The following KCNH7 variants were observed in gnomAD, a reference collection of about 807,000 sequenced individuals.
KCNH7 encodes potassium voltage-gated channel subfamily H member 7.
In KCNH7, 49 loss-of-function variants were observed where a neutral mutation model predicts 120.8. The ratio of observed to expected loss-of-function variants is 0.41; its 90% confidence interval spans 0.32 to 0.51. The LOEUF is 0.51. Among genes scored for constraint, KCNH7 ranks in the 20% least tolerant of loss-of-function variants. The pLI is 0.38. For missense variants in KCNH7, 1,097 were observed against 1,446.6 expected, an observed-to-expected ratio of 0.76 and a Z score of 3.92; for synonymous variants, 547 against 516.1, an observed-to-expected ratio of 1.06 and a Z score of -0.81.
chr2:162,489,567 T>C (rs1187054392), intron 6 of KCNH7, among the ~76,000 whole-genome samples: 1 of 152,148 alleles, frequency 6.6e-6, no homozygotes, highest in East Asian at 1.9e-4. Context: ...AAACTCAAAG[T>C]CTCTATTTAA....
chr2:162,807,271 A>AAAC lies in KCNH7; in HGVS notation c.307+29265_307+29266insGTT, dbSNP rs1403949723. Among the ~76,000 whole-genome samples the AAAC allele has an allele frequency of 8.0e-4, 112 of 139,526 alleles. 7 individuals carry two copies. Among genetic ancestry groups the AAAC allele is most frequent in the Middle Eastern group, 7.4e-3 (2 of 270 alleles). The allele number at this position is 139,526 out of a possible 152,430, so 91.5% of individuals were successfully genotyped here. On this transcript the variant is annotated intron_variant, in intron 2 of 15. Transcript: ENST00000332142. ...ACTAAAAATACAAAAAAAAAAAAAA[A>AAAC]AAAAAAAAAAAACAAATTAGCCAGG...
intron 2 of KCNH7, among the ~76,000 whole-genome samples, chr2:162,639,711 T>C (rs1313997130): frequency 6.6e-6 from 1 of 152,126 alleles, no homozygotes; most frequent in Non-Finnish European, 1.5e-5. Flanking sequence ...AACACAGTGC[T>C]AGAAATTCTA....
chr2:162,768,269 A>T (rs897670211), intron 2 of KCNH7, among the ~76,000 whole-genome samples: 2 of 152,234 alleles, frequency 1.3e-5, no homozygotes, highest in Admixed American at 1.3e-4. Flanking sequence ...GTTATTGATT[A>T]ATCAAAACAC....
intron 4 of KCNH7, among the ~76,000 whole-genome samples, chr2:162,517,527 A>C (rs998224083): frequency 6.6e-6 from 1 of 151,844 alleles, no homozygotes; most frequent in Non-Finnish European, 1.5e-5. Context: ...CAGATAAAGA[A>C]GCCAGAAGAC....
In KCNH7 at chr2:162,620,019, G is replaced by A. The variant is rs569447567; in HGVS notation, c.308-82939C>T. Among the ~76,000 whole-genome samples, 167 of 151,590 alleles carry A rather than the reference G, an allele frequency of 1.1e-3. 2 individuals are homozygous for A. Among genetic ancestry groups the A allele is most frequent in the Non-Finnish European group, 7.4e-5 (5 of 67,822 alleles). On this transcript the variant is annotated intron_variant, in intron 2 of 15. Transcript: ENST00000332142. ...ATACTGGGAATAAGAGACCTGTGCT[G>A]TTCTCAGACCCACTATACACAGTAT...
chr2:162,374,977 TCCA>T (rs1482034334), intron 14 of KCNH7, among the ~76,000 whole-genome samples: 2 of 152,188 alleles, frequency 1.3e-5, no homozygotes, highest in Non-Finnish European at 1.5e-5. Context: ...TTTTTATGCT[TCCA>T]ACTAAACTAA....
At chr2:162,719,457 T>C (rs1285264970) in intron 2 of KCNH7, among the ~76,000 whole-genome samples, 2 of 152,048 alleles carry the variant, frequency 1.3e-5, no homozygotes, top group African/African-American at 4.8e-5. Flanking sequence ...AATGGGTAAC[T>C]ATGAGAGGAT....
chr2:162,833,844 C>T (rs994887741), intron 2 of KCNH7, among the ~76,000 whole-genome samples: 2 of 152,094 alleles, frequency 1.3e-5, no homozygotes, highest in African/African-American at 4.8e-5. Context: ...ATTTTTACTC[C>T]TCCAGTAAGA....
At chr2:162,668,085 C>T (rs1025316681) in intron 2 of KCNH7, among the ~76,000 whole-genome samples, 5 of 152,102 alleles carry the variant, frequency 3.3e-5, no homozygotes, top group Non-Finnish European at 7.4e-5. Flanking sequence ...TAACTAAAAG[C>T]TCTTATTGAA....
At chr2:162,469,596 G>T (rs1689426869) in intron 6 of KCNH7, among the ~76,000 whole-genome samples, 1 of 152,156 alleles carries the variant, frequency 6.6e-6, no homozygotes, top group South Asian at 2.1e-4. Context: ...AAAGCCCGGT[G>T]GGGTGAGAGC....
At chr2:162,721,691 C>A (rs978156286) in intron 2 of KCNH7, among the ~76,000 whole-genome samples, 1 of 152,028 alleles carries the variant, frequency 6.6e-6, no homozygotes, top group Non-Finnish European at 1.5e-5. Flanking sequence ...ATCTCAAGTG[C>A]TCTAAGTAAA....
intron 2 of KCNH7, among the ~76,000 whole-genome samples, chr2:162,803,642 T>C (rs1050031060): frequency 6.6e-6 from 1 of 151,798 alleles, no homozygotes. Flanking sequence ...GTCAAAATTA[T>C]TGGCACATAT....
chr2:162,524,161 G>T (rs1390601003), intron 3 of KCNH7, among the ~76,000 whole-genome samples: 1 of 151,976 alleles, frequency 6.6e-6, no homozygotes, highest in African/African-American at 2.4e-5. Context: ...AAAAAGACAG[G>T]ATTAAGAAGA....
intron 6 of KCNH7, among the ~76,000 whole-genome samples, chr2:162,478,896 G>A (rs747187969): frequency 6.6e-6 from 1 of 152,096 alleles, no homozygotes; most frequent in South Asian, 2.1e-4. Context: ...TAGAGAGCAG[G>A]TTAAACTCCA....
chr2:162,546,653 C>T (rs531853831), intron 2 of KCNH7, among the ~76,000 whole-genome samples: 19 of 152,220 alleles, frequency 1.2e-4, no homozygotes, highest in Admixed American at 1.3e-4. Context: ...TCGAAAGGAA[C>T]CATACATTGT....
rs1268057407 is a variant in KCNH7 at position 162,834,751 on chromosome 2, C to T, written c.307+1786G>A. ...CACCCACATTGCACAACTTTCAAAA[C>T]ATCATCACGCCACTTGCGGTGTAAT... On this transcript the variant is annotated intron_variant, in intron 2 of 15. Transcript: ENST00000332142. Among the ~76,000 whole-genome samples the T allele has an allele frequency of 2.0e-5, 3 of 152,098 alleles. No individual in the cohort carries two copies. The East Asian group carries it at 5.8e-4, about 29-fold the overall frequency.
intron 6 of KCNH7, 55 bp downstream of exon 6, chr2:162,504,387 TG>T: frequency 7.9e-7 from 1 of 1,266,770 alleles, no homozygotes; most frequent in Non-Finnish European, 1.1e-6. Flanking sequence ...ATATGTTTCA[TG>T]GTGCAGAAAC....
In KCNH7 at chr2:162,590,810, C is replaced by T. The variant is rs191593047; in HGVS notation, c.308-53730G>A. On this transcript the variant is annotated intron_variant, in intron 2 of 15. Coordinates refer to ENST00000332142, the MANE Select transcript of KCNH7 (RefSeq NM_033272.4). ...CACTTCTCCTCTTCCTTTCTTTTAA[C>T]CTATTTCCACGCACATCTGTTAGAG... is the stretch of plus-strand genomic sequence containing the variant. 5.4e-4 allele frequency among the ~76,000 whole-genome samples: 82 copies of T among 152,190 alleles called. 2 individuals carry two copies. The highest frequency in any genetic ancestry group is 1.9e-3 in the African/African-American group (77 of 41,550).
chr2:162,490,618 G>A (rs1445650914), intron 6 of KCNH7, among the ~76,000 whole-genome samples: 2 of 152,118 alleles, frequency 1.3e-5, no homozygotes, highest in African/African-American at 4.8e-5. Flanking sequence ...GGCTGATGCA[G>A]CACCAAACCT....
Sources: allele counts gnomAD v4.1 joint callset (sites outside exome capture counted in the v4.1 genomes callset), GRCh38; gene constraint gnomAD v4.1.1; transcripts MANE v1.5; gene names NCBI Gene and HGNC (gene_info 2026-07-23, HGNC 2026-07-21).